The following TTC28 variants were observed in gnomAD, a reference collection of about 807,000 sequenced individuals.
TTC28 encodes the protein tetratricopeptide repeat domain 28.
A neutral mutation model predicts 198.0 loss-of-function variants in TTC28; 61 were observed. The ratio of observed to expected loss-of-function variants is 0.31; its 90% CI spans 0.25 to 0.38. TTC28 has a LOEUF of 0.38. Ranked by LOEUF, TTC28 falls within the 10% of genes least tolerant of loss-of-function variation. The pLI is 1.00. For missense variants in TTC28, 2,678 were observed against 3,164.0 expected (o/e 0.85, Z 3.69); for synonymous variants, 1,171 against 1,297.8 (o/e 0.90, Z 2.10).
chr22:28,371,226 A>C (rs1237777424), intron 2 of TTC28, among the ~76,000 whole-genome samples: 1 of 151,920 alleles, frequency 6.6e-6, no homozygotes, highest in African/African-American at 2.4e-5. Context: ...AAGAGTTCAG[A>C]AAACAGATTG....
chr22:28,605,684 A>C (rs2050718418), intron 2 of TTC28, among the ~76,000 whole-genome samples: 1 of 152,216 alleles, frequency 6.6e-6, no homozygotes, highest in African/African-American at 2.4e-5. Flanking sequence ...TCTTCTTTTT[A>C]AGTAAAAACT....
At chr22:28,483,925 G>C (rs1292031884) in intron 2 of TTC28, among the ~76,000 whole-genome samples, 2 of 152,148 alleles carry the variant, frequency 1.3e-5, no homozygotes, top group Non-Finnish European at 2.9e-5. Context: ...AAAGTAATAT[G>C]AGTATATACT....
chr22:28,098,621 G>A (rs533510665), intron 10 of TTC28, among the ~76,000 whole-genome samples: 18 of 151,484 alleles, frequency 1.2e-4, no homozygotes, highest in Non-Finnish European at 1.8e-4. Context: ...AATCAGCACT[G>A]TACTGGACTC....
At chr22:28,409,206 C>T (rs1379385549) in intron 2 of TTC28, among the ~76,000 whole-genome samples, 1 of 152,178 alleles carries the variant, frequency 6.6e-6, no homozygotes, top group Non-Finnish European at 1.5e-5. Flanking sequence ...AGATCACTCT[C>T]ATAATCATGT....
intron 13 of TTC28, among the ~76,000 whole-genome samples, chr22:28,024,342 A>G (rs1409992520): frequency 6.6e-6 from 1 of 152,222 alleles, no homozygotes; most frequent in African/African-American, 2.4e-5. Flanking sequence ...CCATGTCCCC[A>G]TGCCCAAGTG....
At position 28,578,753 on chromosome 22, in the gene TTC28, G is replaced by A. The variant is rs924063250; in HGVS notation, c.381+50799C>T. Among the ~76,000 whole-genome samples the A allele has an allele frequency of 4.8e-4, 73 of 152,124 alleles. 3 individuals carry two copies. ...AATGTGTTTTGGGGGAAGGGAGAGT[G>A]CAGTTATTGTGGAACTTTACATTGA... On this transcript the variant is annotated intron_variant, in intron 2 of 22. Coordinates refer to ENST00000397906, the MANE Select transcript of TTC28 (RefSeq NM_001145418.2).
rs1379364802 is a variant in TTC28 at position 28,291,669 on chromosome 22, G to T, written c.933+4529C>A. Among the ~76,000 whole-genome samples, 3 of 152,096 alleles carry T rather than the reference G, an allele frequency of 2.0e-5. No individual in the cohort carries two copies. The East Asian group carries it at 5.8e-4, about 29-fold the overall frequency. ...TAATAAGTATAAGAAGCCTTACTATGTTTATTCCAAACCAGCCCACTTCTA... is the reference window on the plus strand; with the variant it reads ...TAATAAGTATAAGAAGCCTTACTATTTTTATTCCAAACCAGCCCACTTCTA... On this transcript the variant is annotated intron_variant, in intron 5 of 22. Transcript: ENST00000397906.
In TTC28 at chr22:28,115,420, C is replaced by A. The variant is rs75130608; in HGVS notation, c.1442-7017G>T. ...TGCCCATTTCTTTTCCCTCACCATACACACAAATATTTGCATCATGTGCCA... is the reference window on the plus strand; with the variant it reads ...TGCCCATTTCTTTTCCCTCACCATAAACACAAATATTTGCATCATGTGCCA... On this transcript the variant is annotated intron_variant, in intron 6 of 22. Transcript: ENST00000397906. 5.8e-3 allele frequency among the ~76,000 whole-genome samples: 887 copies of A among 152,322 alleles called. 14 individuals carry two copies. Among genetic ancestry groups the A allele is most frequent in the Middle Eastern group, 0.014 (4 of 294 alleles).
At chr22:28,360,231 A>G (rs2046138152) in intron 2 of TTC28, among the ~76,000 whole-genome samples, 1 of 152,138 alleles carries the variant, frequency 6.6e-6, no homozygotes, top group African/African-American at 2.4e-5. Context: ...TAAAAAACAG[A>G]TTAAAAAGGG....
chr22:28,375,636 C>T (rs1443887172), intron 2 of TTC28, among the ~76,000 whole-genome samples: 1 of 152,120 alleles, frequency 6.6e-6, no homozygotes, highest in Non-Finnish European at 1.5e-5. Flanking sequence ...TTTTAGGTGT[C>T]AATTTGACAA....
chr22:28,633,367 T>G lies in TTC28; in HGVS notation c.103-3537A>C, dbSNP rs140439974. The stretch of plus-strand genomic sequence containing the variant: ...AGAGTAAGCCAGGTACAATAGCTCA[T>G]GCCTGTAATCCCACACTTTGGGAGG... On this transcript the variant is annotated intron_variant, in intron 1 of 22. Coordinates refer to ENST00000397906, the MANE Select transcript of TTC28 (RefSeq NM_001145418.2). 2.9e-3 allele frequency among the ~76,000 whole-genome samples: 434 copies of G among 151,830 alleles called. 1 individual carries two copies. The highest frequency in any genetic ancestry group is 6.3e-3 in the South Asian group (30 of 4,784).
Position 27,983,240 on chromosome 22 carries a change from T to C in TTC28, c.6427A>G (p.Thr2143Ala). 1 of 1,551,894 alleles carries C rather than the reference T, an allele frequency of 6.4e-7. No individual in the cohort carries two copies. Among genetic ancestry groups the C allele is most frequent in the Non-Finnish European group, 8.7e-7 (1 of 1,147,046 alleles). The change falls in exon 23 of 23, where the codon ACG (threonine) becomes GCG (alanine). Residue 2143 changes from threonine to alanine, a missense_variant. Thr to Ala is a moderately conservative substitution (Grantham distance 58). Coordinates refer to ENST00000397906, the MANE Select transcript of TTC28 (RefSeq NM_001145418.2). ...TCTTGGGATTTCACGGTACTGTCCG[T>C]TTCTGTGCTAGACTGGTCTGATTCT... ...TGESDQSSTE[T>A]DSTVKSQEES...
At chr22:28,375,311 T>C (rs2046393243) in intron 2 of TTC28, among the ~76,000 whole-genome samples, 1 of 152,210 alleles carries the variant, frequency 6.6e-6, no homozygotes, top group South Asian at 2.1e-4. Context: ...ACTTATTTAA[T>C]TCTCTGAACA....
At chr22:28,056,739 T>C (rs1196179604) in intron 12 of TTC28, among the ~76,000 whole-genome samples, 1 of 152,192 alleles carries the variant, frequency 6.6e-6, no homozygotes, top group African/African-American at 2.4e-5. Context: ...CATAACTCTA[T>C]CAAGATTTAG....
chr22:28,207,483 C>T (rs1047323693), intron 5 of TTC28, among the ~76,000 whole-genome samples: 3 of 152,028 alleles, frequency 2.0e-5, no homozygotes, highest in African/African-American at 7.2e-5. Context: ...TGACCTCAGA[C>T]AAGTTACTAA....
rs989813252 is a variant in TTC28 at position 28,060,765 on chromosome 22, G to T, written c.3933-30399C>A. 3.3e-5 allele frequency among the ~76,000 whole-genome samples: 5 copies of T among 151,918 alleles called. 1 individual carries two copies. The South Asian group carries it at 1.0e-3, about 32-fold the overall frequency. On this transcript the variant is annotated intron_variant, in intron 12 of 22. Coordinates refer to ENST00000397906, the MANE Select transcript of TTC28 (RefSeq NM_001145418.2). ...CATCCTCTCCAGCACGTTGTTTATAGTTCACCAACAGTGTAAAAGTGTTCC... is the reference window on the plus strand; with the variant it reads ...CATCCTCTCCAGCACGTTGTTTATATTTCACCAACAGTGTAAAAGTGTTCC...
intron 6 of TTC28, among the ~76,000 whole-genome samples, chr22:28,152,826 T>C (rs1251744670): frequency 1.3e-5 from 2 of 152,216 alleles, no homozygotes; most frequent in East Asian, 1.9e-4. Context: ...CAGGTTTCCA[T>C]AGATTTCCAT....
At chr22:28,585,059 A>C (rs1449963675) in intron 2 of TTC28, among the ~76,000 whole-genome samples, 1 of 152,132 alleles carries the variant, frequency 6.6e-6, no homozygotes, top group Non-Finnish European at 1.5e-5. Context: ...TGAAATAAGG[A>C]CCAGGCCCTT....
chr22:28,018,262 T>C (rs1938447334), intron 13 of TTC28, among the ~76,000 whole-genome samples: 1 of 120,840 alleles, frequency 8.3e-6, no homozygotes, highest in South Asian at 3.4e-4. Flanking sequence ...TGTGTGTGTG[T>C]GTGTGTGTGT....
Sources: gnomAD v4.1 joint callset for allele counts (sites outside exome capture counted in the v4.1 genomes callset) on GRCh38, gnomAD v4.1.1 for gene constraint, MANE v1.5 for transcripts, NCBI Gene and HGNC (gene_info 2026-07-23, HGNC 2026-07-21) for gene names.